Variants in DPYD observed in about 807,000 individuals in gnomAD.
The protein encoded by DPYD is dihydropyrimidine dehydrogenase [NADP(+)].
DPYD carries 109 observed loss-of-function variants against 116.2 expected under a neutral mutation model. The observed-to-expected ratio is 0.94, with a 90% CI of 0.80 to 1.10. The LOEUF (loss-of-function observed/expected upper bound fraction) is 1.10, where lower values mean the gene tolerates loss of function less well. Ranked by LOEUF, DPYD falls within the 50% of genes least tolerant of loss-of-function variation. The pLI is 0.00. For missense variants in DPYD, 1,302 were observed against 1,254.5 expected (o/e 1.04, Z -0.57); for synonymous variants, 440 against 432.0 (o/e 1.02, Z -0.23).
chr1:97,873,052 G>T (rs1209367174), intron 2 of DPYD, among the ~76,000 whole-genome samples: 1 of 151,642 alleles, frequency 6.6e-6, no homozygotes. Flanking sequence ...CTGAGACCAG[G>T]CTACAGTACT....
intron 8 of DPYD, among the ~76,000 whole-genome samples, chr1:97,676,701 G>A (rs1660161794): frequency 6.6e-6 from 1 of 152,114 alleles, no homozygotes; most frequent in Non-Finnish European, 1.5e-5. Flanking sequence ...GGCTGTCCAA[G>A]TAACCGCCAG....
intron 16 of DPYD, among the ~76,000 whole-genome samples, chr1:97,325,415 T>G (rs534896437): frequency 6.6e-6 from 1 of 152,054 alleles, no homozygotes; most frequent in Non-Finnish European, 1.5e-5. Flanking sequence ...CTTACTGCTT[T>G]TTCCTTTTTT....
intron 1 of DPYD, among the ~76,000 whole-genome samples, chr1:97,915,275 T>C (rs915232125): frequency 6.6e-6 from 1 of 152,088 alleles, no homozygotes; most frequent in Non-Finnish European, 1.5e-5. Context: ...GTACTAACCA[T>C]GAAAGGAAGC....
At chr1:97,299,607 T>A (rs1666741823) in intron 18 of DPYD, among the ~76,000 whole-genome samples, 1 of 152,132 alleles carries the variant, frequency 6.6e-6, no homozygotes, top group East Asian at 1.9e-4. Flanking sequence ...AGTCTGTCCA[T>A]GAGCTGTAAG....
intron 10 of DPYD, among the ~76,000 whole-genome samples, chr1:97,587,524 C>G (rs1264326632): frequency 6.6e-6 from 1 of 152,086 alleles, no homozygotes; most frequent in Non-Finnish European, 1.5e-5. Context: ...CATCAGTTAT[C>G]TGTAGAAAAT....
At chr1:97,185,875 T>G (rs1470182838) in intron 20 of DPYD, among the ~76,000 whole-genome samples, 2 of 152,210 alleles carry the variant, frequency 1.3e-5, no homozygotes, top group East Asian at 3.9e-4. Context: ...TTGGCAATGT[T>G]GCATGCTTTG....
intron 8 of DPYD, among the ~76,000 whole-genome samples, chr1:97,638,661 T>C (rs1281691124): frequency 6.6e-6 from 1 of 152,132 alleles, no homozygotes; most frequent in African/African-American, 2.4e-5. Flanking sequence ...GGCACTCATA[T>C]CTGTTTGGCT....
intron 5 of DPYD, among the ~76,000 whole-genome samples, chr1:97,713,206 C>T (rs1225328033): frequency 6.6e-6 from 1 of 151,950 alleles, no homozygotes; most frequent in Non-Finnish European, 1.5e-5. Flanking sequence ...TATGAGTCAT[C>T]AAATATTTTT....
intron 18 of DPYD, among the ~76,000 whole-genome samples, chr1:97,277,130 C>T (rs888591341): frequency 6.6e-6 from 1 of 152,084 alleles, no homozygotes; most frequent in African/African-American, 2.4e-5. Context: ...ACTGTATATT[C>T]TCGTTTATAA....
At chr1:97,241,627 G>T (rs1356513637) in intron 18 of DPYD, among the ~76,000 whole-genome samples, 1 of 151,958 alleles carries the variant, frequency 6.6e-6, no homozygotes, top group East Asian at 1.9e-4. Flanking sequence ...ACAGACTGAT[G>T]CTATGAGAAC....
At chr1:97,587,350 T>C (rs930178386) in intron 10 of DPYD, among the ~76,000 whole-genome samples, 7 of 152,196 alleles carry the variant, frequency 4.6e-5, no homozygotes, top group Non-Finnish European at 8.8e-5. Context: ...CTGATTACCT[T>C]CCATGAAGAA....
intron 3 of DPYD, among the ~76,000 whole-genome samples, chr1:97,781,340 T>G (rs1666731601): frequency 1.3e-5 from 2 of 152,218 alleles, no homozygotes; most frequent in African/African-American, 4.8e-5. Context: ...CATATGTAGT[T>G]ATCTCATATT....
chr1:97,872,614 T>C (rs1671713370), intron 2 of DPYD, among the ~76,000 whole-genome samples: 1 of 151,952 alleles, frequency 6.6e-6, no homozygotes, highest in Non-Finnish European at 1.5e-5. Context: ...ATGTGTGGAA[T>C]GAAGCACTAG....
At chr1:97,911,036 A>T (rs1673906356) in intron 1 of DPYD, among the ~76,000 whole-genome samples, 2 of 152,158 alleles carry the variant, frequency 1.3e-5, no homozygotes, top group Non-Finnish European at 2.9e-5. Flanking sequence ...AATACAAATT[A>T]AACGAATCAC....
chr1:97,418,756 C>A (rs932545831), intron 14 of DPYD, among the ~76,000 whole-genome samples: 1 of 152,004 alleles, frequency 6.6e-6, no homozygotes, highest in Non-Finnish European at 1.5e-5. Flanking sequence ...TATTACAGAA[C>A]AAGCAAGAAC....
chr1:97,496,517 G>T (rs1172706908), intron 13 of DPYD, among the ~76,000 whole-genome samples: 1 of 151,980 alleles, frequency 6.6e-6, no homozygotes, highest in Non-Finnish European at 1.5e-5. Flanking sequence ...TCAAACAAGG[G>T]CCTTTATTAT....
At chr1:97,450,008 A>G in intron 14 of DPYD, 51 bp downstream of exon 14, 2 of 1,609,006 alleles carry the variant, frequency 1.2e-6, no homozygotes, top group Non-Finnish European at 1.7e-6. Context: ...TTAAATAAAC[A>G]TTCACCAACT....
At position 97,465,512 on chromosome 1, in the gene DPYD, G is replaced by A. The variant is rs28848627; in HGVS notation, c.1741-15289C>T. 8.2e-3 allele frequency among the ~76,000 whole-genome samples: 1,248 copies of A among 152,190 alleles called. 15 individuals carry two copies. Among genetic ancestry groups the A allele is most frequent in the African/African-American group, 0.029 (1,186 of 41,506 alleles). On this transcript the variant is annotated intron_variant, in intron 13 of 22. Transcript: ENST00000370192. ...CTGTGGGAGGTAAATGAATCACGGG[G>A]GTAAGTCTTTCCTGTGGTGTTCTCA...
chr1:97,733,639 A>G (rs1043192923), intron 4 of DPYD, among the ~76,000 whole-genome samples: 1 of 152,068 alleles, frequency 6.6e-6, no homozygotes, highest in Admixed American at 6.6e-5. Flanking sequence ...TACTTCAAAC[A>G]ATGCTATAAT....
Sources: gnomAD v4.1 joint callset for allele counts (sites outside exome capture counted in the v4.1 genomes callset) on GRCh38, gnomAD v4.1.1 for gene constraint, MANE v1.5 for transcripts, NCBI Gene and HGNC (gene_info 2026-07-23, HGNC 2026-07-21) for gene names.